Variants in ZNF337 observed in about 807,000 individuals in gnomAD.
ZNF337 encodes the protein zinc finger protein 337.
In ZNF337, 8 loss-of-function variants were observed where a neutral mutation model predicts 12.1. The ratio of observed to expected loss-of-function variants is 0.66; its 90% confidence interval spans 0.39 to 1.19. The LOEUF is 1.19. ZNF337 is among the 50% of genes most tolerant of loss of function. ZNF337 has a pLI of 0.01. For missense variants in ZNF337, 882 were observed against 896.6 expected (o/e 0.98, Z 0.21); for synonymous variants, 336 against 320.0 (o/e 1.05, Z -0.53).
chr20:25,684,119 C>T (rs530356475), intron 4 of ZNF337, among the ~76,000 whole-genome samples: 163 of 147,350 alleles, frequency 1.1e-3, no homozygotes, highest in African/African-American at 3.8e-3. Flanking sequence ...AACCAAACAC[C>T]GCATGTTCTC....
chr20:25,691,087 G>A (rs1045827687), intron 1 of ZNF337, among the ~76,000 whole-genome samples: 2 of 152,040 alleles, frequency 1.3e-5, no homozygotes, highest in African/African-American at 2.4e-5. Flanking sequence ...GTAGAGAAAA[G>A]GAAATCAGGA....
At chr20:25,681,962 C>T (rs1056789209) in intron 4 of ZNF337, among the ~76,000 whole-genome samples, 3 of 152,106 alleles carry the variant, frequency 2.0e-5, no homozygotes, top group African/African-American at 4.8e-5. Flanking sequence ...ATAAAGAATA[C>T]GGAGCACAAA....
chr20:25,692,803 G>C (rs1401782645), intron 1 of ZNF337, among the ~76,000 whole-genome samples: 1 of 152,092 alleles, frequency 6.6e-6, no homozygotes, highest in Non-Finnish European at 1.5e-5. Context: ...AGGCAAACTT[G>C]AAACATTTAG....
At chr20:25,682,006 G>A (rs1052059254) in intron 4 of ZNF337, among the ~76,000 whole-genome samples, 24 of 152,110 alleles carry the variant, frequency 1.6e-4, no homozygotes, top group African/African-American at 5.6e-4. Context: ...AGATCGACAG[G>A]TGTTCATTCT....
chr20:25,685,585 G>T lies in ZNF337; in HGVS notation c.232C>A (p.Arg78=). 1 of 1,614,116 alleles carries T rather than the reference G, an allele frequency of 6.2e-7. No individual in the cohort carries two copies. Among genetic ancestry groups the T allele is most frequent in the Non-Finnish European group, 8.5e-7 (1 of 1,179,960 alleles). Residue 78 remains arginine (R), a synonymous_variant, in exon 4 of 5, where the codon CGG becomes AGG. Coordinates refer to ENST00000252979, the MANE Select transcript of ZNF337 (RefSeq NM_015655.4). The part of the protein sequence containing the change: ...EVPWGEERRR[R]PGPCAGIYAE... ...CCCTCACCTGCACAGGGGCCTGGCC[G>T]GCGTCTTCTCTCTTCTCCCCAGGGC... is the stretch of plus-strand genomic sequence containing the variant.
At chr20:25,678,428 G>A (rs758831985) in intron 4 of ZNF337, among the ~76,000 whole-genome samples, 2 of 152,124 alleles carry the variant, frequency 1.3e-5, no homozygotes, top group Non-Finnish European at 2.9e-5. Context: ...CTGTTGAGAT[G>A]ACCATACTGC....
At chr20:25,684,906 C>T (rs2065810016) in intron 4 of ZNF337, among the ~76,000 whole-genome samples, 1 of 146,998 alleles carries the variant, frequency 6.8e-6, no homozygotes, top group African/African-American at 2.5e-5. Context: ...TGTTCTCACT[C>T]ATAAGTGGGA....
In ZNF337 at chr20:25,686,237, G is replaced by C. The variant is rs146898626; in HGVS notation, c.28-115C>G. ...CACTACTTGATGAGTGACACCCACA[G>C]GCCAGTCACCTGCTGGAGGACGCCA... On this transcript the variant is annotated intron_variant, in intron 2 of 4. Coordinates refer to ENST00000252979, the MANE Select transcript of ZNF337 (RefSeq NM_015655.4). 1.0e-4 allele frequency: 155 copies of C among 1,546,726 alleles called. 1 individual carries two copies. The East Asian group carries it at 3.4e-3, about 34-fold the overall frequency.
intron 1 of ZNF337, among the ~76,000 whole-genome samples, chr20:25,687,248 A>G (rs551018899): frequency 1.3e-5 from 2 of 152,292 alleles, no homozygotes; most frequent in African/African-American, 2.4e-5. Context: ...AAGTCAATTG[A>G]GCATTACTGG....
Position 25,675,577 on chromosome 20 carries a change from G to C in ZNF337, c.1711C>G (p.Pro571Ala). ...CGCCCGCAATCCTTGCAATTAAATG[G>C]CCTTTCCCCCGAGTGTGTCCACTGA... Reference protein sequence around the residue: ...RHQWTHSGERPFNCKDCGRGF... With the variant: ...RHQWTHSGERAFNCKDCGRGF... The change falls in exon 5 of 5, where the codon CCA becomes GCA. Residue 571 changes from proline to alanine, a missense_variant. Transcript: ENST00000252979. The C allele has an allele frequency of 6.2e-7, 1 of 1,613,910 alleles. No individual in the cohort carries two copies. The highest frequency in any genetic ancestry group is 8.5e-7 in the Non-Finnish European group (1 of 1,179,994).
chr20:25,688,737 C>G (rs991822909), intron 1 of ZNF337, among the ~76,000 whole-genome samples: 2 of 152,360 alleles, frequency 1.3e-5, no homozygotes, highest in Admixed American at 1.3e-4. Context: ...ACCCAAACCA[C>G]TCTGCCAAAA....
chr20:25,687,823 G>T (rs559394884), intron 1 of ZNF337, among the ~76,000 whole-genome samples: 1 of 152,252 alleles, frequency 6.6e-6, no homozygotes, highest in African/African-American at 2.4e-5. Context: ...CTTTTCTCTT[G>T]TCACAGGTGG....
rs975216980 is a variant in ZNF337, at chr20:25,686,449, A to G, written c.-32T>C. 1 of 1,613,200 alleles carries G rather than the reference A, an allele frequency of 6.2e-7. No homozygotes were observed. Among genetic ancestry groups the G allele is most frequent in the Non-Finnish European group, 8.5e-7 (1 of 1,179,648 alleles). ...CTTCCTGCTCTCCACGGAGAAGGGA[A>G]GCTTGCAGATGGCCAATCTGTGGGA... On this transcript the variant is annotated 5_prime_UTR_variant, in exon 2 of 5. Coordinates refer to ENST00000252979, the MANE Select transcript of ZNF337 (RefSeq NM_015655.4).
Position 25,675,234 on chromosome 20 carries a change from A to G in ZNF337, c.2054T>C (p.Phe685Ser). The G allele has an allele frequency of 6.2e-7, 1 of 1,614,170 alleles. No individual in the cohort carries two copies. The highest frequency in any genetic ancestry group is 2.2e-5 in the East Asian group (1 of 44,864). ...GCCTCGCTTACACTCCTGGCAAACA[A>G]AAGGCTTCTCCTTTGAGTGTATCCG... ...HWRIHSKEKP[F>S]VCQECKRGYT... The change falls in exon 5 of 5, where the codon TTT (phenylalanine) becomes TCT (serine). Residue 685 changes from phenylalanine to serine, a missense_variant. Coordinates refer to ENST00000252979, the MANE Select transcript of ZNF337 (RefSeq NM_015655.4).
intron 1 of ZNF337, among the ~76,000 whole-genome samples, chr20:25,688,990 T>C (rs1288247066): frequency 6.6e-6 from 1 of 151,794 alleles, no homozygotes; most frequent in Non-Finnish European, 1.5e-5. Context: ...ATACAAAAAA[T>C]AGCCGGGAGT....
chr20:25,685,796 C>T, intron 3 of ZNF337, 134 bp from the exon 4 acceptor site: 1 of 1,149,388 alleles, frequency 8.7e-7, no homozygotes, highest in Non-Finnish European at 1.3e-6. Context: ...CTACCATGCT[C>T]AGAGTACAAA....
At chr20:25,692,943 T>C (rs1015771748) in intron 1 of ZNF337, among the ~76,000 whole-genome samples, 2 of 152,182 alleles carry the variant, frequency 1.3e-5, no homozygotes, top group African/African-American at 2.4e-5. Flanking sequence ...TCAAAACTCA[T>C]CAACTAGAAC....
chr20:25,675,104 G>T lies in ZNF337; in HGVS notation c.2184C>A (p.Tyr728Ter), dbSNP rs1283965992. The change falls in exon 5 of 5, where the codon TAC becomes TAA. Residue 728 changes from tyrosine to a stop codon, truncating the protein, a stop_gained. Transcript: ENST00000252979. LOFTEE classifies it low-confidence loss of function (END_TRUNC). ...CGRKFSNKSY[Y>*]SKHLKRHLRE... ...GTAAGTGTCTCTTTAAGTGCTTACT[G>T]TAGTATGACTTATTGCTAAACTTTC... is the stretch of plus-strand genomic sequence containing the variant. 6.2e-7 allele frequency: 1 copy of T among 1,613,934 alleles called. No homozygotes were observed. Among genetic ancestry groups the T allele is most frequent in the African/African-American group, 1.3e-5 (1 of 74,856 alleles).
chr20:25,684,300 A>G (rs993320644), intron 4 of ZNF337, among the ~76,000 whole-genome samples: 1 of 151,922 alleles, frequency 6.6e-6, no homozygotes, highest in Non-Finnish European at 1.5e-5. Flanking sequence ...ACATGTATAC[A>G]TATGTAACTA....
Sources: gnomAD v4.1 joint callset for allele counts (sites outside exome capture counted in the v4.1 genomes callset) on GRCh38, gnomAD v4.1.1 for gene constraint, MANE v1.5 for transcripts, NCBI Gene and HGNC (gene_info 2026-07-23, HGNC 2026-07-21) for gene names.